PPP1R9A: variants seen among roughly 807,000 people sequenced by gnomAD.
The protein encoded by PPP1R9A is protein phosphatase 1 regulatory subunit 9A.
A neutral mutation model predicts 141.9 loss-of-function variants in PPP1R9A; 59 were observed. That is an observed-to-expected ratio of 0.42 (90% CI 0.34 to 0.52). The LOEUF is 0.52. Ranked by LOEUF, PPP1R9A falls within the 20% of genes least tolerant of loss-of-function variation. PPP1R9A has a pLI of 0.10. For missense variants in PPP1R9A, 1,444 were observed against 1,611.9 expected, an observed-to-expected ratio of 0.90 and a Z score of 1.78; for synonymous variants, 500 against 569.7, an observed-to-expected ratio of 0.88 and a Z score of 1.74.
chr7:94,931,242 T>C (rs536630530), intron 2 of PPP1R9A, among the ~76,000 whole-genome samples: 143 of 152,298 alleles, frequency 9.4e-4, no homozygotes, highest in African/African-American at 3.3e-3. Context: ...TTTATGTTCT[T>C]TTCTGACGGC....
chr7:95,135,947 A>G (rs78648912), intron 4 of PPP1R9A, among the ~76,000 whole-genome samples: 1,884 of 150,014 alleles, frequency 0.013, 49 homozygotes, highest in African/African-American at 0.043. Flanking sequence ...TTCAAAATAC[A>G]AAGTATATTA....
chr7:95,144,796 C>G lies in PPP1R9A; in HGVS notation c.1650-17071C>G, dbSNP rs970273569. 1.2e-4 allele frequency among the ~76,000 whole-genome samples: 19 copies of G among 152,102 alleles called. 1 individual carries two copies. Among genetic ancestry groups the G allele is most frequent in the Admixed American group, 7.2e-4 (11 of 15,264 alleles). On this transcript the variant is annotated intron_variant, in intron 4 of 19. Coordinates refer to ENST00000433360, the MANE Select transcript of PPP1R9A (RefSeq NM_001166160.2). ...GGGAAGGGAAGAAGGTAAACTATTC[C>G]TGTTGTAGATGACATGACCTGATTA...
At chr7:95,239,949 G>A (rs140226489) in intron 8 of PPP1R9A, among the ~76,000 whole-genome samples, 1 of 151,834 alleles carries the variant, frequency 6.6e-6, no homozygotes, top group African/African-American at 2.4e-5. Flanking sequence ...TTATGTTTTT[G>A]GTTAGTTTTC....
At chr7:94,983,788 T>G (rs1800439215) in intron 2 of PPP1R9A, among the ~76,000 whole-genome samples, 1 of 152,364 alleles carries the variant, frequency 6.6e-6, no homozygotes, top group East Asian at 1.9e-4. Context: ...AGGGACAGTT[T>G]GACTTCCTCG....
At chr7:95,062,695 A>AT (rs570991932) in intron 2 of PPP1R9A, among the ~76,000 whole-genome samples, 157 of 149,886 alleles carry the variant, frequency 1.0e-3, no homozygotes, top group African/African-American at 3.7e-3. Flanking sequence ...GCCAAGGGGG[A>AT]TTTTTTTTTC....
At chr7:95,272,914 G>T (rs1328696577) in intron 14 of PPP1R9A, among the ~76,000 whole-genome samples, 4 of 152,188 alleles carry the variant, frequency 2.6e-5, no homozygotes, top group Non-Finnish European at 5.9e-5. Context: ...GGGAGGAAGA[G>T]TTTCACACAT....
At chr7:95,170,165 A>C (rs1029529661) in intron 5 of PPP1R9A, among the ~76,000 whole-genome samples, 1 of 151,748 alleles carries the variant, frequency 6.6e-6, no homozygotes, top group African/African-American at 2.4e-5. Flanking sequence ...ACATACTACA[A>C]TAGAAAGTAT....
At chr7:95,220,178 A>G (rs1432041156) in intron 7 of PPP1R9A, among the ~76,000 whole-genome samples, 3 of 152,238 alleles carry the variant, frequency 2.0e-5, no homozygotes, top group Middle Eastern at 3.4e-3. Flanking sequence ...TTCGGCAGAG[A>G]GAGGGATGTT....
rs1169506629 is a variant in PPP1R9A, at chr7:95,138,563, AC to A, written c.1649+17732del. ...TCCAAATTTTCGTTCTTTGAGAAAC[AC>A]AGTTAAGAACTGAAAAGCAAAGACA... On this transcript the variant is annotated intron_variant, in intron 4 of 19. Coordinates refer to ENST00000433360, the MANE Select transcript of PPP1R9A (RefSeq NM_001166160.2). 2.0e-5 allele frequency among the ~76,000 whole-genome samples: 3 copies of A among 152,236 alleles called. No individual in the cohort carries two copies. The East Asian group carries it at 5.8e-4, about 29-fold the overall frequency.
At chr7:95,191,339 A>T (rs1042405359) in intron 5 of PPP1R9A, among the ~76,000 whole-genome samples, 1 of 152,192 alleles carries the variant, frequency 6.6e-6, no homozygotes, top group Non-Finnish European at 1.5e-5. Context: ...AAGATAAAAA[A>T]TTTTAATTGA....
intron 2 of PPP1R9A, among the ~76,000 whole-genome samples, chr7:94,954,154 A>T (rs535808353): frequency 2.0e-5 from 3 of 151,704 alleles, no homozygotes; most frequent in African/African-American, 7.3e-5. Flanking sequence ...TAGCTCATTA[A>T]TTTTCAGCCT....
At chr7:95,036,299 A>G (rs1808417546) in intron 2 of PPP1R9A, 1 of 152,240 alleles carries the variant, frequency 6.6e-6, no homozygotes, top group African/African-American at 2.4e-5. Context: ...ACACAGATAC[A>G]TCAAATAGCG....
At chr7:95,217,648 G>T (rs999052921) in intron 7 of PPP1R9A, among the ~76,000 whole-genome samples, 3 of 152,084 alleles carry the variant, frequency 2.0e-5, no homozygotes, top group Admixed American at 2.0e-4. Context: ...CAATTTCAGA[G>T]CCTGTTATTG....
chr7:94,999,188 G>T (rs1216497285), intron 2 of PPP1R9A, among the ~76,000 whole-genome samples: 1 of 152,178 alleles, frequency 6.6e-6, no homozygotes, highest in African/African-American at 2.4e-5. Flanking sequence ...ACTTTGAATT[G>T]TTGGGGAAGT....
intron 2 of PPP1R9A, among the ~76,000 whole-genome samples, chr7:95,070,113 G>C (rs1382506606): frequency 2.0e-5 from 3 of 152,076 alleles, no homozygotes; most frequent in African/African-American, 7.2e-5. Flanking sequence ...CAGAAAATCT[G>C]TGCATATCAC....
chr7:95,294,339 T>C lies in PPP1R9A; in HGVS notation c.*4036T>C, dbSNP rs1191588752. On this transcript the variant is annotated 3_prime_UTR_variant, in exon 20 of 20. Transcript: ENST00000433360. ...ACTGGACTGCAGTGGTGCCATCATG[T>C]CTTACTGCAGCCTCAAACTCCTGGG... 6.7e-6 allele frequency: 1 copy of C among 150,014 alleles called. No individual in the cohort carries two copies. The highest frequency in any genetic ancestry group is 2.5e-5 in the African/African-American group (1 of 40,548). The allele number at this position is 150,014 out of a possible 1,614,324, so 9.3% of individuals were successfully genotyped here.
intron 2 of PPP1R9A, among the ~76,000 whole-genome samples, chr7:95,104,610 A>T (rs1400612324): frequency 6.6e-6 from 1 of 152,140 alleles, no homozygotes; most frequent in Non-Finnish European, 1.5e-5. Context: ...AGTTTGGCTT[A>T]CTTCATTTTG....
At position 95,292,659 on chromosome 7, in the gene PPP1R9A, A is replaced by G. The variant is rs1186642587; in HGVS notation, c.*2356A>G. On this transcript the variant is annotated 3_prime_UTR_variant, in exon 20 of 20. Coordinates refer to ENST00000433360, the MANE Select transcript of PPP1R9A (RefSeq NM_001166160.2). ...CAAATTCTTATTCCTAAAATCATTT[A>G]GTATTATAAGTATTTTGATTTTTTA... 6.6e-6 allele frequency: 1 copy of G among 152,184 alleles called. No homozygotes were observed. The highest frequency in any genetic ancestry group is 1.5e-5 in the Non-Finnish European group (1 of 68,034). The allele number at this position is 152,184 out of a possible 1,614,324, so 9.4% of individuals were successfully genotyped here. A position where few individuals can be genotyped will look rare whatever the true frequency, so the allele number is the denominator to read the frequency against.
At chr7:95,247,396 T>C (rs1421648277) in intron 8 of PPP1R9A, 77 bp from the exon 9 acceptor site, 6 of 1,235,466 alleles carry the variant, frequency 4.9e-6, no homozygotes, top group Non-Finnish European at 7.0e-6. Context: ...TAATAAGGCA[T>C]TCTTGTAGCT....
Sources: gnomAD v4.1 joint callset for allele counts (sites outside exome capture counted in the v4.1 genomes callset) on GRCh38, gnomAD v4.1.1 for gene constraint, MANE v1.5 for transcripts, NCBI Gene and HGNC (gene_info 2026-07-23, HGNC 2026-07-21) for gene names.